The following ZNF813 variants were observed in gnomAD, a reference collection of about 807,000 sequenced individuals.
ZNF813 encodes zinc finger protein 813.
ZNF813 carries 3 observed loss-of-function variants against 7.2 expected under a neutral mutation model. The ratio of observed to expected loss-of-function variants is 0.42; its 90% CI spans 0.19 to 1.08. The LOEUF (loss-of-function observed/expected upper bound fraction) is 1.08. ZNF813 is among the 50% of genes least tolerant of loss of function. The pLI, the probability that ZNF813 is intolerant of heterozygous loss-of-function variation, is 0.30. For synonymous variants in ZNF813, 227 were observed against 256.3 expected (o/e 0.89, Z 1.09); for missense variants, 714 against 753.3 (o/e 0.95, Z 0.61).
rs1444658174 is a variant in ZNF813, at chr19:53,468,232, CACCT to C, written c.-74+444_-74+447del. On this transcript the variant is annotated intron_variant, in intron 1 of 3. Transcript: ENST00000396403. ...AGGCGCCCTCGCGCCCCCCCCCCCC[CACCT>C]CCCTCCTCCTGCCGGGCCCTGCTGC... 1.3e-4 allele frequency among the ~76,000 whole-genome samples: 12 copies of C among 90,796 alleles called. 1 individual carries two copies. Among genetic ancestry groups the C allele is most frequent in the South Asian group, 3.8e-4 (1 of 2,614 alleles). The allele number at this position is 90,796 out of a possible 152,430, so 59.6% of individuals were successfully genotyped here.
rs1206002823 is a variant in ZNF813 at position 53,493,070 on chromosome 19, G to C, written c.*984G>C. ...TGCAATGAGTAGAGCAAACCATCAA[G>C]CAGTAATTGACATTAAAGTGTTTAT... On this transcript the variant is annotated 3_prime_UTR_variant, in exon 4 of 4. Transcript: ENST00000396403. 1.0e-5 allele frequency: 4 copies of C among 384,924 alleles called. No homozygotes were observed. Among genetic ancestry groups the C allele is most frequent in the Non-Finnish European group, 2.1e-5 (4 of 194,236 alleles). 23.8% of individuals were successfully genotyped at this position (384,924 alleles called of 1,614,324 possible).
At position 53,491,672 on chromosome 19, in the gene ZNF813, A is replaced by G; in HGVS notation, c.1440A>G (p.Ser480=). The change falls in exon 4 of 4, where the codon TCA becomes TCG. Residue 480 remains serine (S), a synonymous_variant. Transcript: ENST00000396403. ...GTGGCAAGACGTTCAGTCGAATTTC[A>G]GCCCTCGTAATTCATACGGCAATTC... ...NECGKTFSRI[S]ALVIHTAIHT... is the part of the protein sequence containing the mutation. The G allele has an allele frequency of 6.2e-7, 1 of 1,613,984 alleles. No individual in the cohort carries two copies. Among genetic ancestry groups the G allele is most frequent in the Non-Finnish European group, 8.5e-7 (1 of 1,179,898 alleles).
Position 53,490,465 on chromosome 19 carries a change from A to AAAG in ZNF813, c.234_236dup (p.Glu78_Ser79insArg). The AAAG allele has an allele frequency of 6.2e-7, 1 of 1,614,194 alleles. No individual in the cohort carries two copies. Among genetic ancestry groups the AAAG allele is most frequent in the Non-Finnish European group, 8.5e-7 (1 of 1,180,034 alleles). Reference sequence around the variant, plus strand: ...CACACAGGGACATTGCAAAGACATGAAAGTCATCACACTGGAGACTTTCGC... The same window carrying AAAG: ...CACACAGGGACATTGCAAAGACATGAAAGAAGTCATCACACTGGAGACTTTCGC... On this transcript the variant is annotated inframe_insertion, in exon 4 of 4. Transcript: ENST00000396403.
Position 53,491,925 on chromosome 19 carries a change from C to T in ZNF813, c.1693C>T (p.His565Tyr). 6.2e-7 allele frequency: 1 copy of T among 1,607,108 alleles called. No homozygotes were observed. Among genetic ancestry groups the T allele is most frequent in the Non-Finnish European group, 8.5e-7 (1 of 1,176,972 alleles). ...TGGCAAGGTTTTTAATCAAAAAGCACACCTTGCACGTCACCATAGACTTCA... is the reference window on the plus strand; with the variant it reads ...TGGCAAGGTTTTTAATCAAAAAGCATACCTTGCACGTCACCATAGACTTCA... ...ECGKVFNQKA[H>Y]LARHHRLHTG... The change falls in exon 4 of 4, where the codon CAC becomes TAC. Residue 565 changes from histidine (H) to tyrosine (Y), a missense_variant. Physicochemically the swap from His to Tyr is moderately conservative, Grantham distance 83. Transcript: ENST00000396403.
chr19:53,492,033 C>T lies in ZNF813; in HGVS notation c.1801C>T (p.His601Tyr), dbSNP rs1173449789. The change falls in exon 4 of 4, where the codon CAT becomes TAT. Residue 601 changes from histidine (H) to tyrosine (Y), a missense_variant. This residue lies in a region of ZNF813 where 122 missense variants were observed against 146.8 expected (regional missense o/e 0.83). Transcript: ENST00000396403. ...AAACCTTGCACGTCATCATAGACTTCATACTGGAGAGAAACCTTACAAGTT... is the reference window on the plus strand; with the variant it reads ...AAACCTTGCACGTCATCATAGACTTTATACTGGAGAGAAACCTTACAAGTT... The part of the protein sequence containing the change: ...KANLARHHRL[H>Y]TGEKPYKFNE... 1 of 1,614,052 alleles carries T rather than the reference C, an allele frequency of 6.2e-7. No homozygotes were observed. The highest frequency in any genetic ancestry group is 1.7e-5 in the Admixed American group (1 of 60,014).
intron 1 of ZNF813, among the ~76,000 whole-genome samples, chr19:53,469,807 G>GT (rs1481054127): frequency 2.3e-5 from 3 of 133,210 alleles, no homozygotes; most frequent in Non-Finnish European, 3.3e-5. Flanking sequence ...GGGACAGGGG[G>GT]TATAACAGGG....
rs985338643 is a variant in ZNF813, at chr19:53,472,881, G to A, written c.-74+5092G>A. On this transcript the variant is annotated intron_variant, in intron 1 of 3. Coordinates refer to ENST00000396403, the MANE Select transcript of ZNF813 (RefSeq NM_001004301.4). ...CCTGCCTCGGCCTCCCAGAGTGCTG[G>A]AATTACAGGCATGAGTGACCACACC... Among the ~76,000 whole-genome samples the A allele has an allele frequency of 3.9e-5, 6 of 152,158 alleles. 1 individual carries two copies. The highest frequency in any genetic ancestry group is 1.9e-4 in the East Asian group (1 of 5,164).
intron 1 of ZNF813, among the ~76,000 whole-genome samples, chr19:53,479,045 T>C (rs931958234): frequency 6.6e-6 from 1 of 152,000 alleles, no homozygotes; most frequent in Non-Finnish European, 1.5e-5. Flanking sequence ...AGTGATTCTT[T>C]TGCCTCAACC....
rs1007432015 is a variant in ZNF813, at chr19:53,479,666, C to T, written c.-73-4084C>T. ...TTAAAAGATGAAGAAGATGGAACTC[C>T]AGGAAATCCAACTCAAAGAAGCTAA... is the stretch of plus-strand genomic sequence containing the variant. On this transcript the variant is annotated intron_variant, in intron 1 of 3. Coordinates refer to ENST00000396403, the MANE Select transcript of ZNF813 (RefSeq NM_001004301.4). The T allele has an allele frequency of 5.0e-5, 60 of 1,195,234 alleles. 1 individual carries two copies. The highest frequency in any genetic ancestry group is 2.1e-4 in the African/African-American group (14 of 66,164). 74.0% of individuals were successfully genotyped at this position (1,195,234 alleles called of 1,614,324 possible). A position where few individuals can be genotyped will look rare whatever the true frequency, so the allele number is the denominator to read the frequency against.
Position 53,492,433 on chromosome 19 carries a change from A to C in ZNF813, c.*347A>C. ...CAAGTCAAACCTTGAAAGACATAAA[A>C]TAAATCATACTGCAGAGAAACCATA... On this transcript the variant is annotated 3_prime_UTR_variant, in exon 4 of 4. Transcript: ENST00000396403. 2.3e-6 allele frequency: 1 copy of C among 435,950 alleles called. No individual in the cohort carries two copies. Among genetic ancestry groups the C allele is most frequent in the Non-Finnish European group, 4.4e-6 (1 of 229,378 alleles). 27.0% of individuals were successfully genotyped at this position (435,950 alleles called of 1,614,324 possible).
chr19:53,487,093 A>C (rs1276936283), intron 3 of ZNF813, among the ~76,000 whole-genome samples: 1 of 151,244 alleles, frequency 6.6e-6, no homozygotes, highest in East Asian at 1.9e-4. Flanking sequence ...CTGGGATTAC[A>C]GGCACCAACC....
chr19:53,488,222 C>CT, intron 3 of ZNF813: 1 of 455,442 alleles, frequency 2.2e-6, no homozygotes, highest in East Asian at 7.0e-5. Context: ...AGGGTTTCTC[C>CT]TTTTTTGTCT....
At chr19:53,477,074 G>T (rs1338798481) in intron 1 of ZNF813, among the ~76,000 whole-genome samples, 1 of 152,144 alleles carries the variant, frequency 6.6e-6, no homozygotes, top group Non-Finnish European at 1.5e-5. Context: ...AGATATAAAA[G>T]AAAGCATCCT....
At chr19:53,477,614 G>A (rs939834814) in intron 1 of ZNF813, among the ~76,000 whole-genome samples, 3 of 151,612 alleles carry the variant, frequency 2.0e-5, no homozygotes, top group African/African-American at 7.3e-5. Context: ...CCAGGTATAT[G>A]AGACCAGCCT....
At chr19:53,490,332 A>G in intron 3 of ZNF813, 43 bp from the exon 4 acceptor site, 1 of 1,597,380 alleles carries the variant, frequency 6.3e-7, no homozygotes. Context: ...ATTATTTACC[A>G]TCTGTACTGA....
At position 53,491,334 on chromosome 19, in the gene ZNF813, T is replaced by C. The variant is rs764287474; in HGVS notation, c.1102T>C (p.Ser368Pro). 9.3e-6 allele frequency: 15 copies of C among 1,612,794 alleles called. No homozygotes were observed. The Admixed American group carries it at 2.5e-4, about 27-fold the overall frequency. Residue 368 changes from serine to proline, a missense_variant, in exon 4 of 4, where the codon TCA becomes CCA. By Grantham distance (74) the Ser-to-Pro change is moderately conservative (BLOSUM62 -1). Transcript: ENST00000396403. Reference sequence around the variant, plus strand: ...GTGTGGCAAGACCTTTAGTCGGAAGTCATCCCTTACATGCCATCATAGACT... The same window carrying C: ...GTGTGGCAAGACCTTTAGTCGGAAGCCATCCCTTACATGCCATCATAGACT... ...NECGKTFSRKSSLTCHHRLHT... is the reference protein window; with the variant it reads ...NECGKTFSRKPSLTCHHRLHT...
At position 53,491,257 on chromosome 19, in the gene ZNF813, T is replaced by A. The variant is rs1333365068; in HGVS notation, c.1025T>A (p.Leu342His). 1.2e-6 allele frequency: 2 copies of A among 1,614,026 alleles called. No individual in the cohort carries two copies. The change falls in exon 4 of 4, where the codon CTT becomes CAT. Residue 342 changes from leucine to histidine, a missense_variant. Physicochemically the swap from Leu to His is moderately conservative, Grantham distance 99 (BLOSUM62 -3). Transcript: ENST00000396403. ...AAGACCTTTAGTCAGACGTCATCCC[T>A]TACATGCCATCGTAGACTTCATACT... Reference protein sequence around the residue: ...CGKTFSQTSSLTCHRRLHTGE... With the variant: ...CGKTFSQTSSHTCHRRLHTGE...
chr19:53,474,189 C>T (rs552038274), intron 1 of ZNF813, among the ~76,000 whole-genome samples: 10 of 152,264 alleles, frequency 6.6e-5, no homozygotes, highest in African/African-American at 9.6e-5. Context: ...GAAAAAGGTA[C>T]AAATAAGCAC....
rs915225764 is a variant in ZNF813 at position 53,469,802 on chromosome 19, A to G, written c.-74+2013A>G. Among the ~76,000 whole-genome samples, 13 of 137,550 alleles carry G rather than the reference A, an allele frequency of 9.5e-5. No individual in the cohort carries two copies. The East Asian group carries it at 1.1e-3, about 11-fold the overall frequency. 90.2% of individuals were successfully genotyped at this position (137,550 alleles called of 152,430 possible). Reference sequence around the variant, plus strand: ...ATCTAGGCTGCCAGAGAGTGGGGACAGGGGGTATAACAGGGAAGAGAGAAT... The same window carrying G: ...ATCTAGGCTGCCAGAGAGTGGGGACGGGGGGTATAACAGGGAAGAGAGAAT... On this transcript the variant is annotated intron_variant, in intron 1 of 3. Coordinates refer to ENST00000396403, the MANE Select transcript of ZNF813 (RefSeq NM_001004301.4).
Sources: gnomAD v4.1 joint callset for allele counts (sites outside exome capture counted in the v4.1 genomes callset) on GRCh38, gnomAD v4.1.1 for gene constraint, gnomAD v4.1.1 regional missense constraint, MANE v1.5 for transcripts, NCBI Gene and HGNC (gene_info 2026-07-23, HGNC 2026-07-21) for gene names.